The following QPCTL variants were observed in gnomAD, a reference collection of about 807,000 sequenced individuals.
QPCTL encodes glutaminyl-peptide cyclotransferase-like protein.
Under a neutral mutation model 34.6 loss-of-function variants are expected in QPCTL, and 31 were observed. The observed-to-expected ratio is 0.90, with a 90% CI of 0.67 to 1.21. The LOEUF (loss-of-function observed/expected upper bound fraction) is 1.21. QPCTL is among the 50% of genes most tolerant of loss of function. The pLI, the probability that QPCTL is intolerant of heterozygous loss-of-function variation, is 0.00. For missense variants in QPCTL, 474 were observed against 507.8 expected, an observed-to-expected ratio of 0.93 and a Z score of 0.64; for synonymous variants, 223 against 226.9, an observed-to-expected ratio of 0.98 and a Z score of 0.15.
At position 45,703,205 on chromosome 19, in the gene QPCTL, G is replaced by A. The variant is rs1568541235; in HGVS notation, c.*156G>A. The stretch of plus-strand genomic sequence containing the variant: ...ACAATTGGAAGACCTTCTTTCTTTT[G>A]ATTGTCTCAAGCTGCCACCCTTCAA... On this transcript the variant is annotated 3_prime_UTR_variant, in exon 7 of 7. Transcript: ENST00000012049. The A allele has an allele frequency of 9.9e-7, 1 of 1,014,660 alleles. No individual in the cohort carries two copies. Among genetic ancestry groups the A allele is most frequent in the Non-Finnish European group, 1.4e-6 (1 of 702,574 alleles). The allele number at this position is 1,014,660 out of a possible 1,614,324, so 62.9% of individuals were successfully genotyped here. A position where few individuals can be genotyped will look rare whatever the true frequency, so the allele number is the denominator to read the frequency against.
chr19:45,703,036 A>G lies in QPCTL; in HGVS notation c.1136A>G (p.Tyr379Cys), dbSNP rs761384330. The G allele has an allele frequency of 5.0e-6, 8 of 1,613,962 alleles. No individual in the cohort carries two copies. In the African/African-American group the frequency reaches 8.0e-5, roughly 16 times the overall value. The change falls in exon 7 of 7, where the codon TAC (tyrosine) becomes TGC (cysteine). Residue 379 changes from tyrosine (Y) to cysteine (C), a missense_variant. Tyr to Cys is a radical substitution (Grantham distance 194). Coordinates refer to ENST00000012049, the MANE Select transcript of QPCTL (RefSeq NM_017659.4). The part of the protein sequence containing the change: ...CRILAVFLAE[Y>C]LGL Reference sequence around the variant, plus strand: ...ATTCTCGCTGTGTTCCTGGCTGAATACCTGGGGCTCTAGCGTGCTTGGCCA... The same window carrying G: ...ATTCTCGCTGTGTTCCTGGCTGAATGCCTGGGGCTCTAGCGTGCTTGGCCA...
intron 5 of QPCTL, among the ~76,000 whole-genome samples, chr19:45,699,906 T>A (rs1052167875): frequency 1.5e-5 from 2 of 130,150 alleles, no homozygotes; most frequent in Admixed American, 1.9e-4. Flanking sequence ...CACTCCAGCC[T>A]GGGCAACAGA....
intron 3 of QPCTL, among the ~76,000 whole-genome samples, chr19:45,696,357 T>C (rs1388341293): frequency 1.3e-5 from 2 of 150,870 alleles, no homozygotes; most frequent in Non-Finnish European, 3.0e-5. Flanking sequence ...CTTTGGGAGG[T>C]TGAGGTGGGT....
In QPCTL at chr19:45,703,174, T is replaced by A. The variant is rs1272505866; in HGVS notation, c.*125T>A. ...CCTTTTCATACCTTTGTCTCCTAAT[T>A]GTGCTACAATTGGAAGACCTTCTTT... On this transcript the variant is annotated 3_prime_UTR_variant, in exon 7 of 7. Coordinates refer to ENST00000012049, the MANE Select transcript of QPCTL (RefSeq NM_017659.4). 8.1e-7 allele frequency: 1 copy of A among 1,231,408 alleles called. No homozygotes were observed. Among genetic ancestry groups the A allele is most frequent in the Non-Finnish European group, 1.1e-6 (1 of 881,860 alleles). 76.3% of individuals were successfully genotyped at this position (1,231,408 alleles called of 1,614,324 possible). A position where few individuals can be genotyped will look rare whatever the true frequency, so the allele number is the denominator to read the frequency against.
chr19:45,698,296 C>T (rs1967739230), intron 3 of QPCTL, among the ~76,000 whole-genome samples: 1 of 151,990 alleles, frequency 6.6e-6, no homozygotes, highest in African/African-American at 2.4e-5. Flanking sequence ...TTATTAACCC[C>T]ATTTATAGAT....
Position 45,692,777 on chromosome 19 carries a change from C to G in QPCTL, c.74C>G (p.Pro25Arg). 2 of 1,588,958 alleles carry G rather than the reference C, an allele frequency of 1.3e-6. No individual in the cohort carries two copies. The highest frequency in any genetic ancestry group is 8.6e-7 in the Non-Finnish European group (1 of 1,167,674). ...GGCCTCATGGAGCCACTCTTGCCGC[C>G]GAAGCGCCGCCTGCTACCGCGGGTT... is the stretch of plus-strand genomic sequence containing the variant. ...ERGLMEPLLP[P>R]KRRLLPRVRL... Residue 25 changes from proline (P) to arginine (R), a missense_variant, in exon 1 of 7, where the codon CCG becomes CGG. Transcript: ENST00000012049.
intron 4 of QPCTL, 29 bp from the exon 5 acceptor site, chr19:45,698,772 G>T (rs1240637841): frequency 6.2e-7 from 1 of 1,613,316 alleles, no homozygotes; most frequent in Admixed American, 1.7e-5. Context: ...TCCTGCACGG[G>T]CCCCTCCAGT....
intron 3 of QPCTL, 130 bp downstream of exon 3, chr19:45,695,848 CTTT>C (rs34362798): frequency 2.1e-3 from 1,774 of 846,372 alleles, no homozygotes; most frequent in South Asian, 3.0e-3. Flanking sequence ...CCACAGGGAT[CTTT>C]TTTTTTTTTT....
In QPCTL at chr19:45,701,840, A is replaced by C; in HGVS notation, c.929A>C (p.Gln310Pro). 1 of 1,614,022 alleles carries C rather than the reference A, an allele frequency of 6.2e-7. No individual in the cohort carries two copies. Residue 310 changes from glutamine to proline, a missense_variant, in exon 6 of 7, where the codon CAG becomes CCG. Physicochemically the swap from Gln to Pro is moderately conservative, Grantham distance 76. Coordinates refer to ENST00000012049, the MANE Select transcript of QPCTL (RefSeq NM_017659.4). ...TTGAACCTGCTGCAGTCTCATCCCCAGGAAGTGATGTACTTCCAACCCGGG... is the reference window on the plus strand; with the variant it reads ...TTGAACCTGCTGCAGTCTCATCCCCCGGAAGTGATGTACTTCCAACCCGGG... The part of the protein sequence containing the change: ...HRLNLLQSHP[Q>P]EVMYFQPGEP...
At position 45,692,732 on chromosome 19, in the gene QPCTL, G is replaced by A; in HGVS notation, c.29G>A (p.Arg10His). 1 of 1,562,342 alleles carries A rather than the reference G, an allele frequency of 6.4e-7. No homozygotes were observed. The highest frequency in any genetic ancestry group is 8.7e-7 in the Non-Finnish European group (1 of 1,153,622). ...CGTTCCGGGGGCCGCGGGCGACCCCGCCTGCGGCTGGGGGAACGTGGCCTC... is the reference window on the plus strand; with the variant it reads ...CGTTCCGGGGGCCGCGGGCGACCCCACCTGCGGCTGGGGGAACGTGGCCTC... MRSGGRGRP[R>H]LRLGERGLME... The change falls in exon 1 of 7, where the codon CGC becomes CAC. Residue 10 changes from arginine (R) to histidine (H), a missense_variant. Coordinates refer to ENST00000012049, the MANE Select transcript of QPCTL (RefSeq NM_017659.4).
chr19:45,703,983 A>T lies in QPCTL; in HGVS notation c.*934A>T, dbSNP rs1007933227. ...ATAAATAAATAAATAAATATTTTTTAAAAAGAGTAAAAGACTAAAAGACTA... is the reference window on the plus strand; with the variant it reads ...ATAAATAAATAAATAAATATTTTTTTAAAAGAGTAAAAGACTAAAAGACTA... On this transcript the variant is annotated 3_prime_UTR_variant, in exon 7 of 7. Transcript: ENST00000012049. 4 of 150,680 alleles carry T rather than the reference A, an allele frequency of 2.7e-5. No homozygotes were observed. Among genetic ancestry groups the T allele is most frequent in the Non-Finnish European group, 3.0e-5 (2 of 67,582 alleles). The allele number at this position is 150,680 out of a possible 1,614,324, so 9.3% of individuals were successfully genotyped here.
At chr19:45,699,156 C>G (rs1410451578) in intron 5 of QPCTL, among the ~76,000 whole-genome samples, 1 of 151,412 alleles carries the variant, frequency 6.6e-6, no homozygotes, top group African/African-American at 2.4e-5. Context: ...GCCTCAGCCT[C>G]CCGAGTAGCT....
chr19:45,694,451 T>C (rs1967649000), intron 2 of QPCTL, among the ~76,000 whole-genome samples: 1 of 147,816 alleles, frequency 6.8e-6, no homozygotes, highest in Non-Finnish European at 1.5e-5. Context: ...GACCTTGGAC[T>C]GGTTTCTTTT....
Position 45,693,470 on chromosome 19 carries a change from G to T in QPCTL, c.265G>T (p.Asp89Tyr). ...GCTGCGGAGGGTGGTGGGACAACTG[G>T]ATCCACAGCGTCTCTGGAGCACTTA... ...ARLRRVVGQL[D>Y]PQRLWSTYLR... is the part of the protein sequence containing the mutation. The change falls in exon 2 of 7, where the codon GAT becomes TAT. Residue 89 changes from aspartate (D) to tyrosine (Y), a missense_variant. Transcript: ENST00000012049. 1 of 1,613,306 alleles carries T rather than the reference G, an allele frequency of 6.2e-7. No individual in the cohort carries two copies. Among genetic ancestry groups the T allele is most frequent in the Non-Finnish European group, 8.5e-7 (1 of 1,179,564 alleles).
Position 45,698,672 on chromosome 19 carries a change from C to A in QPCTL, c.759C>A (p.Ser253Arg), listed in dbSNP as rs1967750981. ...LAQLMESIPHSPGPTRIQAIE... is the reference protein window; with the variant it reads ...LAQLMESIPHRPGPTRIQAIE... ...AGCTCATGGAGTCTATACCTCACAGCCCCGGCCCCACCAGGATCCAGGCTA... is the reference window on the plus strand; with the variant it reads ...AGCTCATGGAGTCTATACCTCACAGACCCGGCCCCACCAGGATCCAGGCTA... Residue 253 changes from serine to arginine, a missense_variant, in exon 4 of 7, where the codon AGC (serine) becomes AGA (arginine). Transcript: ENST00000012049. 6.2e-7 allele frequency: 1 copy of A among 1,614,044 alleles called. No individual in the cohort carries two copies. Among genetic ancestry groups the A allele is most frequent in the African/African-American group, 1.3e-5 (1 of 74,936 alleles).
intron 5 of QPCTL, among the ~76,000 whole-genome samples, 195 bp downstream of exon 5, chr19:45,699,095 A>G (rs1238840250): frequency 2.8e-5 from 4 of 141,432 alleles, no homozygotes; most frequent in African/African-American, 1.1e-4. Flanking sequence ...GTGCAGTGGC[A>G]TGATCTTGGC....
chr19:45,702,874 G>A, intron 6 of QPCTL, 30 bp from the exon 7 acceptor site: 1 of 1,613,716 alleles, frequency 6.2e-7, no homozygotes, highest in Middle Eastern at 1.6e-4. Flanking sequence ...GGCTGCAGTG[G>A]ACCTGACAAA....
rs1471196546 is a variant in QPCTL, at chr19:45,701,044, A to C, written c.887-754A>C. 3.3e-5 allele frequency among the ~76,000 whole-genome samples: 5 copies of C among 152,030 alleles called. No homozygotes were observed. In the South Asian group the frequency reaches 6.2e-4, roughly 19 times the overall value. ...AGAAATTTGAGTGACCAAGGCAGGA[A>C]GATCACATGAACCCAGAAGTTTGAG... is the stretch of plus-strand genomic sequence containing the variant. On this transcript the variant is annotated intron_variant, in intron 5 of 6. Transcript: ENST00000012049.
intron 5 of QPCTL, among the ~76,000 whole-genome samples, chr19:45,699,620 C>T (rs1030689429): frequency 6.6e-6 from 1 of 151,928 alleles, no homozygotes; most frequent in Middle Eastern, 3.4e-3. Flanking sequence ...TGGCGAAACC[C>T]TGTCTCTACA....
Sources: allele counts gnomAD v4.1 joint callset (sites outside exome capture counted in the v4.1 genomes callset), GRCh38; gene constraint gnomAD v4.1.1; transcripts MANE v1.5; gene names NCBI Gene and HGNC (gene_info 2026-07-23, HGNC 2026-07-21).